PRRT1: variants seen among roughly 807,000 people sequenced by gnomAD.
PRRT1 encodes proline rich transmembrane protein 1, also known as proline-rich transmembrane protein 1.
In PRRT1, 8 loss-of-function variants were observed where a neutral mutation model predicts 22.6. The observed-to-expected ratio is 0.35, with a 90% CI of 0.21 to 0.64. The LOEUF (loss-of-function observed/expected upper bound fraction) is 0.64, where lower values mean the gene tolerates loss of function less well. Among genes scored for constraint, PRRT1 ranks in the 30% least tolerant of loss-of-function variants. The probability of loss-of-function intolerance (pLI) is 0.69; values close to 1 mark genes in which losing one functional copy is unlikely to be tolerated. For missense variants in PRRT1, 315 were observed against 444.5 expected (o/e 0.71, Z 2.62); for synonymous variants, 176 against 203.6 (o/e 0.86, Z 1.15).
intron 1 of PRRT1, 63 bp downstream of exon 1, chr6:32,151,746 G>A: frequency 8.9e-7 from 1 of 1,122,864 alleles, no homozygotes; most frequent in Non-Finnish European, 1.3e-6. Context: ...AGGGGGTTGG[G>A]GCAAGGGGGA....
Position 32,150,248 on chromosome 6 carries a change from G to A in PRRT1, c.558+120C>T, listed in dbSNP as rs1161567621. On this transcript the variant is annotated intron_variant, in intron 2 of 3. Transcript: ENST00000211413. The surrounding 1 kb of genome is among the most constrained non-coding windows in gnomAD (Gnocchi z 7.2). ...CTCCCTTCTTTCTAGGGCTTGTCCC[G>A]GGAACACTACCTGTTCCCTGCCCTT... 14 of 1,271,974 alleles carry A rather than the reference G, an allele frequency of 1.1e-5. No individual in the cohort carries two copies. The highest frequency in any genetic ancestry group is 3.5e-5 in the South Asian group (2 of 57,582). 78.8% of individuals were successfully genotyped at this position (1,271,974 alleles called of 1,614,324 possible). A position where few individuals can be genotyped will look rare whatever the true frequency, so the allele number is the denominator to read the frequency against.
chr6:32,151,984 A>AGGGGGGGGGGGGG, upstream of PRRT1: 2 of 76,802 alleles, frequency 2.6e-5, no homozygotes, highest in Non-Finnish European at 5.1e-5. Flanking sequence ...GGGCGGAGGG[A>AGGGGGGGGGGGGG]GAGCGGGGAG....
chr6:32,151,394 G>C (rs974146676), intron 1 of PRRT1: 1 of 411,068 alleles, frequency 2.4e-6, no homozygotes. Flanking sequence ...TGAGAATCTC[G>C]GGACCTCTTT....
chr6:32,148,983 T>G lies in PRRT1; in HGVS notation c.*239A>C. 1 of 696,348 alleles carries G rather than the reference T, an allele frequency of 1.4e-6. No homozygotes were observed. The highest frequency in any genetic ancestry group is 2.6e-6 in the Non-Finnish European group (1 of 381,796). The allele number at this position is 696,348 out of a possible 1,614,324, so 43.1% of individuals were successfully genotyped here. On this transcript the variant is annotated 3_prime_UTR_variant, in exon 4 of 4. Transcript: ENST00000211413. This position sits in a 1 kb window ranked among gnomAD's most constrained non-coding sequence, Gnocchi z 5.7. ...CCTGGAGCGACTGAGGGTCCGGCGT[T>G]TGGCCGGGATCCCGGAAAGCGGCGT...
Position 32,150,856 on chromosome 6 carries a change from G to T in PRRT1, c.70C>A (p.Gln24Lys). The T allele has an allele frequency of 6.3e-7, 1 of 1,584,082 alleles. No homozygotes were observed. Among genetic ancestry groups the T allele is most frequent in the Non-Finnish European group, 8.6e-7 (1 of 1,167,646 alleles). ...HTSPPPYNAPQPPAEPPAPPP... is the reference protein window; with the variant it reads ...HTSPPPYNAPKPPAEPPAPPP... ...GGGGCTGGGGGTTCGGCTGGAGGCT[G>T]AGGGGCATTGTAGGGCGGCGGAGAA... Residue 24 changes from glutamine (Q) to lysine (K), a missense_variant, in exon 2 of 4, where the codon CAG becomes AAG. Transcript: ENST00000211413. The surrounding 1 kb of genome is among the most constrained non-coding windows in gnomAD (Gnocchi z 7.2).
At position 32,150,563 on chromosome 6, in the gene PRRT1, TG is replaced by T; in HGVS notation, c.362del (p.Pro121HisfsTer44). On this transcript the variant is annotated frameshift_variant, in exon 2 of 4. Coordinates refer to ENST00000211413, the MANE Select transcript of PRRT1 (RefSeq NM_030651.4). LOFTEE classifies it high-confidence loss of function. The surrounding 1 kb of genome is among the most constrained non-coding windows in gnomAD (Gnocchi z 7.2). ...PYLQETRFEG[P>X]LPPPPPAAAA... ...CGGCAGCGGGCGGCGGCGGGGGAAG[TG>T]GGCCCTCGAAGCGAGTCTCCTGCAG... The T allele has an allele frequency of 7.4e-7, 1 of 1,358,642 alleles. No individual in the cohort carries two copies. The highest frequency in any genetic ancestry group is 9.4e-7 in the Non-Finnish European group (1 of 1,059,282). 84.2% of individuals were successfully genotyped at this position (1,358,642 alleles called of 1,614,324 possible). A position where few individuals can be genotyped will look rare whatever the true frequency, so the allele number is the denominator to read the frequency against.
chr6:32,151,999 G>C, upstream of PRRT1: 5 of 371,716 alleles, frequency 1.3e-5, no homozygotes, highest in Non-Finnish European at 2.7e-5. Context: ...GGGGAGGGGG[G>C]GAGCTTAAAG....
upstream of PRRT1, chr6:32,151,999 G>GGGGGGTGGGGGGGGA: frequency 2.7e-6 from 1 of 371,720 alleles, no homozygotes; most frequent in Non-Finnish European, 5.4e-6. Flanking sequence ...GGGGAGGGGG[G>GGGGGGTGGGGGGGGA]GAGCTTAAAG....
chr6:32,151,552 GCTGTAC>G, intron 1 of PRRT1: 1 of 574,958 alleles, frequency 1.7e-6, no homozygotes, highest in Non-Finnish European at 3.1e-6. Flanking sequence ...GCAAAACCTG[GCTGTAC>G]CTCCTTCACC....
intron 1 of PRRT1, 56 bp downstream of exon 1, chr6:32,151,753 G>C (rs2127379923): frequency 2.4e-6 from 3 of 1,270,374 alleles, no homozygotes; most frequent in South Asian, 2.4e-5. Flanking sequence ...TGGGGCAAGG[G>C]GGACGGAGAG....
chr6:32,150,764 G>C lies in PRRT1; in HGVS notation c.162C>G (p.Ala54=), dbSNP rs1201028016. Residue 54 remains alanine, a synonymous_variant, in exon 2 of 4, where the codon GCC becomes GCG. Coordinates refer to ENST00000211413, the MANE Select transcript of PRRT1 (RefSeq NM_030651.4). The surrounding 1 kb of genome is among the most constrained non-coding windows in gnomAD (Gnocchi z 7.2). The stretch of plus-strand genomic sequence containing the variant: ...CCCCTGCCCCTAAGCGCGGGAGGGT[G>C]GCGGTGCCAGACTGATGGTAGTGGT... The part of the protein sequence containing the change: ...HHHHYHQSGT[A]TLPRLGAGGL... 6 of 1,546,116 alleles carry C rather than the reference G, an allele frequency of 3.9e-6. No homozygotes were observed. Among genetic ancestry groups the C allele is most frequent in the Non-Finnish European group, 4.4e-6 (5 of 1,145,286 alleles).
chr6:32,151,020 CACAT>C, intron 1 of PRRT1, 114 bp from the exon 2 acceptor site: 3 of 883,980 alleles, frequency 3.4e-6, no homozygotes, highest in Non-Finnish European at 5.4e-6. Flanking sequence ...ATGGGAGAGA[CACAT>C]AGAGAGAGAC....
upstream of PRRT1, chr6:32,152,000 G>GGC: frequency 8.6e-6 from 3 of 350,440 alleles, no homozygotes; most frequent in Non-Finnish European, 1.1e-5. Context: ...GGGAGGGGGG[G>GGC]AGCTTAAAGG....
At chr6:32,151,728 G>A in intron 1 of PRRT1, 81 bp downstream of exon 1, 4 of 820,412 alleles carry the variant, frequency 4.9e-6, no homozygotes, top group African/African-American at 3.4e-5. Context: ...GCTGAGGAGG[G>A]GTAAGGGAGG....
At chr6:32,152,169 G>A (rs1561804615), upstream of PRRT1, 2 of 657,298 alleles carry the variant, frequency 3.0e-6, no homozygotes, top group East Asian at 3.3e-5. Context: ...AGGCGAGGCG[G>A]GTGGGACTAA....
At chr6:32,151,168 C>T (rs1379592910) in intron 1 of PRRT1, 2 of 685,584 alleles carry the variant, frequency 2.9e-6, no homozygotes, top group Admixed American at 4.3e-5. Flanking sequence ...TTTTCATCAC[C>T]ATGCACCCAG....
At chr6:32,152,898 A>AC (rs1783425559), upstream of PRRT1, 1 of 130,350 alleles carries the variant, frequency 7.7e-6, no homozygotes, top group African/African-American at 3.2e-5. Flanking sequence ...GATTTACACC[A>AC]GTTTTTTTTT....
rs187057194 is a variant in PRRT1, at chr6:32,149,433, G to C, written c.745-35C>G. The C allele has an allele frequency of 2.5e-6, 4 of 1,594,302 alleles. No individual in the cohort carries two copies. Among genetic ancestry groups the C allele is most frequent in the Non-Finnish European group, 3.4e-6 (4 of 1,167,868 alleles). ...AGGGGTGGGGGAAGGAGGTCAAAGAGCTGCGGCCTCGTTCGAACGCCTCAG... is the reference window on the plus strand; with the variant it reads ...AGGGGTGGGGGAAGGAGGTCAAAGACCTGCGGCCTCGTTCGAACGCCTCAG... On this transcript the variant is annotated intron_variant, in intron 3 of 3. Transcript: ENST00000211413. This position sits in a 1 kb window ranked among gnomAD's most constrained non-coding sequence, Gnocchi z 8.7.
At chr6:32,152,000 G>T, upstream of PRRT1, 2 of 350,432 alleles carry the variant, frequency 5.7e-6, no homozygotes, top group South Asian at 1.9e-5. Context: ...GGGAGGGGGG[G>T]AGCTTAAAGG....
Sources: allele counts gnomAD v4.1 joint callset, GRCh38; gene constraint gnomAD v4.1.1; non-coding constraint Gnocchi (gnomAD v3.1); transcripts MANE v1.5; gene names NCBI Gene and HGNC (gene_info 2026-07-23, HGNC 2026-07-21).